Variants in RFX3 observed in about 807,000 individuals in gnomAD.
RFX3 encodes transcription factor RFX3.
In RFX3, 14 loss-of-function variants were observed where a neutral mutation model predicts 98.6. That is an observed-to-expected ratio of 0.14 (90% CI 0.09 to 0.22). The LOEUF (loss-of-function observed/expected upper bound fraction) is 0.22, where lower values mean the gene tolerates loss of function less well. RFX3 is among the 10% of genes least tolerant of loss of function. The pLI is 1.00. For synonymous variants in RFX3, 383 were observed against 328.4 expected (o/e 1.17, Z -1.80); for missense variants, 639 against 926.9 (o/e 0.69, Z 4.03).
At chr9:3,249,211 C>A (rs1264157175) in intron 14 of RFX3, among the ~76,000 whole-genome samples, 8 of 151,646 alleles carry the variant, frequency 5.3e-5, no homozygotes, top group Non-Finnish European at 1.2e-4. Context: ...AATGGAAAAA[C>A]AAAAGACTGT....
In RFX3 at chr9:3,524,645, G is replaced by A. The variant is rs533277117; in HGVS notation, c.-9+1102C>T. ...CAAAGCTTCCTTGTGTCCCTTCCCT[G>A]TTCATCACAAAGTCTCATAATCACA... On this transcript the variant is annotated intron_variant, in intron 1 of 16. Coordinates refer to ENST00000617270, the MANE Select transcript of RFX3 (RefSeq NM_001282116.2). 5.1e-6 allele frequency: 5 copies of A among 982,342 alleles called. 1 individual carries two copies. In the East Asian group the frequency reaches 5.7e-4, roughly 112 times the overall value. 60.9% of individuals were successfully genotyped at this position (982,342 alleles called of 1,614,324 possible). A position where few individuals can be genotyped will look rare whatever the true frequency, so the allele number is the denominator to read the frequency against.
chr9:3,373,939 G>A (rs1838141337), intron 2 of RFX3, among the ~76,000 whole-genome samples: 2 of 152,058 alleles, frequency 1.3e-5, no homozygotes, highest in South Asian at 4.1e-4. Context: ...TTAGCCAGGA[G>A]TGGTGGCATG....
intron 2 of RFX3, among the ~76,000 whole-genome samples, chr9:3,366,240 G>A (rs1390062106): frequency 6.6e-6 from 1 of 152,140 alleles, no homozygotes; most frequent in Non-Finnish European, 1.5e-5. Context: ...TTATGCCCCG[G>A]ATGCAGTGTC....
intron 1 of RFX3, among the ~76,000 whole-genome samples, chr9:3,435,803 A>T (rs547988312): frequency 0.02 from 1,501 of 76,726 alleles, 22 homozygotes; most frequent in African/African-American, 0.098. Flanking sequence ...TCTGCATTGT[A>T]AAAAAAAAAA....
chr9:3,505,225 TATATGAATATATATTTA>T (rs1816844062), intron 1 of RFX3, among the ~76,000 whole-genome samples: 1 of 95,542 alleles, frequency 1.0e-5, no homozygotes, highest in Non-Finnish European at 1.8e-5. Flanking sequence ...TATATATTTA[TATATGAATATATATTTA>T]TATATATATG....
At chr9:3,413,871 T>A (rs2132221174) in intron 1 of RFX3, among the ~76,000 whole-genome samples, 1 of 152,114 alleles carries the variant, frequency 6.6e-6, no homozygotes, top group East Asian at 1.9e-4. Flanking sequence ...AAGAAAAAAA[T>A]TATACTCTCC....
chr9:3,258,671 A>G (rs1042319197), intron 13 of RFX3, among the ~76,000 whole-genome samples: 1 of 152,056 alleles, frequency 6.6e-6, no homozygotes, highest in African/African-American at 2.4e-5. Flanking sequence ...AAAAACTGTG[A>G]ATACAAATAA....
rs186565588 is a variant in RFX3 at position 3,489,633 on chromosome 9, T to C, written c.-9+36114A>G. 195 of 154,502 alleles carry C rather than the reference T, an allele frequency of 1.3e-3. 1 individual carries two copies. The highest frequency in any genetic ancestry group is 3.4e-3 in the Admixed American group (52 of 15,306). 9.6% of individuals were successfully genotyped at this position (154,502 alleles called of 1,614,324 possible). A position where few individuals can be genotyped will look rare whatever the true frequency, so the allele number is the denominator to read the frequency against. On this transcript the variant is annotated intron_variant, in intron 1 of 16. Transcript: ENST00000617270. ...CCTTTAATTGAAACTTCCTTTGATATAGGCTTAATGTTTAGTCTATGAAAC... is the reference window on the plus strand; with the variant it reads ...CCTTTAATTGAAACTTCCTTTGATACAGGCTTAATGTTTAGTCTATGAAAC...
At chr9:3,242,725 C>T (rs1378449854) in intron 15 of RFX3, among the ~76,000 whole-genome samples, 1 of 151,996 alleles carries the variant, frequency 6.6e-6, no homozygotes, top group East Asian at 1.9e-4. Flanking sequence ...AAAAAATTAA[C>T]TGAGTATATC....
chr9:3,459,975 C>T lies in RFX3; in HGVS notation c.-8-64379G>A, dbSNP rs147523499. 5.1e-3 allele frequency among the ~76,000 whole-genome samples: 771 copies of T among 151,648 alleles called. 10 individuals are homozygous for T. The highest frequency in any genetic ancestry group is 7.8e-3 in the Admixed American group (119 of 15,228). On this transcript the variant is annotated intron_variant, in intron 1 of 16. Transcript: ENST00000617270. ...GTAATGTACGTATTGCTTTTGTAAT[C>T]GAGGAAAGGGGTTTTAAATAATGAT...
At chr9:3,302,015 T>G (rs1937537561) in intron 4 of RFX3, among the ~76,000 whole-genome samples, 1 of 151,882 alleles carries the variant, frequency 6.6e-6, no homozygotes, top group Non-Finnish European at 1.5e-5. Context: ...TGCTATTCTC[T>G]CACGAAAGGA....
At chr9:3,256,849 G>A (rs1822210512) in intron 14 of RFX3, 142 bp downstream of exon 14, 1 of 725,372 alleles carries the variant, frequency 1.4e-6, no homozygotes, top group Non-Finnish European at 2.3e-6. Context: ...GAGTTGGGTT[G>A]AAGGTAGTTG....
intron 2 of RFX3, among the ~76,000 whole-genome samples, chr9:3,370,679 C>T (rs10117431): frequency 0.19 from 28,842 of 151,924 alleles, 4,991 homozygotes; most frequent in African/African-American, 0.46. Context: ...TATCTGTGCA[C>T]TTTACTGTAA....
intron 4 of RFX3, among the ~76,000 whole-genome samples, chr9:3,308,710 C>T (rs1206894749): frequency 1.3e-5 from 2 of 152,024 alleles, no homozygotes; most frequent in Admixed American, 6.6e-5. Flanking sequence ...TACAATGAAA[C>T]CTATTCAGAG....
At chr9:3,405,886 A>G (rs897000507) in intron 1 of RFX3, among the ~76,000 whole-genome samples, 3 of 152,212 alleles carry the variant, frequency 2.0e-5, no homozygotes, top group Middle Eastern at 3.4e-3. Context: ...TGTCTCCCCA[A>G]GTTTATATAC....
chr9:3,471,897 C>T (rs1848811784), intron 1 of RFX3, among the ~76,000 whole-genome samples: 2 of 152,172 alleles, frequency 1.3e-5, no homozygotes, highest in South Asian at 2.1e-4. Context: ...ATTTAGTAAA[C>T]CAGCTTCTTG....
chr9:3,420,822 C>T, intron 1 of RFX3: 1 of 985,228 alleles, frequency 1.0e-6, no homozygotes. Flanking sequence ...TTCAGATGAT[C>T]CAAGATGTCA....
chr9:3,467,233 T>C (rs926625351), intron 1 of RFX3, among the ~76,000 whole-genome samples: 1 of 145,122 alleles, frequency 6.9e-6, no homozygotes, highest in Non-Finnish European at 1.5e-5. Context: ...TATATATGTA[T>C]ATACAATATA....
chr9:3,294,884 T>G (rs1383377061), intron 5 of RFX3, among the ~76,000 whole-genome samples: 1 of 152,128 alleles, frequency 6.6e-6, no homozygotes, highest in Non-Finnish European at 1.5e-5. Context: ...CATTTAAACA[T>G]GCATAATACC....
Sources: allele counts gnomAD v4.1 joint callset (sites outside exome capture counted in the v4.1 genomes callset), GRCh38; gene constraint gnomAD v4.1.1; transcripts MANE v1.5; gene names NCBI Gene and HGNC (gene_info 2026-07-23, HGNC 2026-07-21).